DSCAML1: variants seen among roughly 807,000 people sequenced by gnomAD.
DSCAML1 encodes the protein cell adhesion molecule DSCAML1.
DSCAML1 carries 38 observed loss-of-function variants against 200.5 expected under a neutral mutation model. The ratio of observed to expected loss-of-function variants is 0.19; its 90% CI spans 0.15 to 0.25. The LOEUF is 0.25. Among genes scored for constraint, DSCAML1 ranks in the 10% least tolerant of loss-of-function variants. The pLI, the probability that DSCAML1 is intolerant of heterozygous loss-of-function variation, is 1.00. For synonymous variants in DSCAML1, 1,215 were observed against 1,165.0 expected (o/e 1.04, Z -0.87); for missense variants, 2,223 against 2,858.8 (o/e 0.78, Z 5.07).
At chr11:117,725,515 G>T (rs746513761) in intron 3 of DSCAML1, among the ~76,000 whole-genome samples, 6 of 152,170 alleles carry the variant, frequency 3.9e-5, no homozygotes, top group African/African-American at 2.4e-5. Context: ...AATCAAGTTG[G>T]GTGATTTATT....
intron 3 of DSCAML1, among the ~76,000 whole-genome samples, chr11:117,541,810 G>A (rs2050274109): frequency 6.6e-6 from 1 of 152,218 alleles, no homozygotes; most frequent in African/African-American, 2.4e-5. Flanking sequence ...CCAGGGGGAA[G>A]GTGGGAACAG....
intron 16 of DSCAML1, among the ~76,000 whole-genome samples, chr11:117,466,150 T>C (rs1444490952): frequency 6.6e-6 from 1 of 152,214 alleles, no homozygotes; most frequent in Non-Finnish European, 1.5e-5. Flanking sequence ...TACACTCATG[T>C]TCAAAGCAGC....
At chr11:117,526,521 TTA>T (rs1372443441) in intron 4 of DSCAML1, among the ~76,000 whole-genome samples, 3 of 152,144 alleles carry the variant, frequency 2.0e-5, no homozygotes, top group Non-Finnish European at 4.4e-5. Flanking sequence ...CTATTTATTT[TTA>T]TTTTTATTTT....
intron 5 of DSCAML1, among the ~76,000 whole-genome samples, chr11:117,522,657 A>G (rs2049904520): frequency 6.6e-6 from 1 of 152,196 alleles, no homozygotes; most frequent in Admixed American, 6.5e-5. Context: ...CCTGCTCTCC[A>G]GGAAATGTCA....
intron 11 of DSCAML1, among the ~76,000 whole-genome samples, chr11:117,491,029 C>T (rs1456614811): frequency 6.6e-6 from 1 of 152,274 alleles, no homozygotes; most frequent in East Asian, 1.9e-4. Context: ...TCTGACAAGT[C>T]CCCAAGTCAC....
chr11:117,615,316 T>G (rs921061256), intron 3 of DSCAML1, among the ~76,000 whole-genome samples: 1 of 152,224 alleles, frequency 6.6e-6, no homozygotes, highest in Non-Finnish European at 1.5e-5. Flanking sequence ...TGTCTTCTTT[T>G]GCACTCCTGA....
At chr11:117,625,957 C>T (rs2052034511) in intron 3 of DSCAML1, among the ~76,000 whole-genome samples, 1 of 152,204 alleles carries the variant, frequency 6.6e-6, no homozygotes, top group Non-Finnish European at 1.5e-5. Flanking sequence ...AAGCGCTGGT[C>T]CCATGCCTGT....
upstream of DSCAML1, chr11:117,797,354 C>G: frequency 9.0e-7 from 1 of 1,105,976 alleles, no homozygotes; most frequent in East Asian, 3.3e-5. Context: ...CGGACCCCAG[C>G]CCCACAAGCC....
At chr11:117,765,668 A>T (rs1166321519) in intron 3 of DSCAML1, among the ~76,000 whole-genome samples, 1 of 152,210 alleles carries the variant, frequency 6.6e-6, no homozygotes, top group African/African-American at 2.4e-5. Context: ...TAGAAAACAG[A>T]TCTATACAGA....
At chr11:117,809,903 TCACA>T (rs201683364) in intron 1 of DSCAML1, among the ~76,000 whole-genome samples, 4 of 148,756 alleles carry the variant, frequency 2.7e-5, no homozygotes, top group South Asian at 2.1e-4. Flanking sequence ...ACCCACACAC[TCACA>T]CACACATTCA....
At chr11:117,587,709 G>C (rs1191550520) in intron 3 of DSCAML1, among the ~76,000 whole-genome samples, 2 of 152,306 alleles carry the variant, frequency 1.3e-5, no homozygotes, top group East Asian at 3.9e-4. Flanking sequence ...GAAAGGGATG[G>C]AAAGTGTGAC....
chr11:117,657,867 C>T (rs2137636234), intron 3 of DSCAML1, among the ~76,000 whole-genome samples: 1 of 152,280 alleles, frequency 6.6e-6, no homozygotes, highest in East Asian at 1.9e-4. Flanking sequence ...AGAGCCTCTC[C>T]ATGGCCCGAG....
chr11:117,488,240 C>G (rs1364198529), intron 11 of DSCAML1, among the ~76,000 whole-genome samples: 2 of 152,156 alleles, frequency 1.3e-5, no homozygotes, highest in African/African-American at 2.4e-5. Flanking sequence ...GAGCTTTGGC[C>G]CTCCTGGCTG....
intron 3 of DSCAML1, among the ~76,000 whole-genome samples, chr11:117,678,908 A>G (rs1212314116): frequency 2.0e-5 from 3 of 152,268 alleles, no homozygotes; most frequent in Non-Finnish European, 2.9e-5. Flanking sequence ...AGAGTTTTCA[A>G]TACTACAGAG....
At chr11:117,471,800 A>ACCCCAACCCCTTTAACTGCAAGC in intron 15 of DSCAML1, 69 bp downstream of exon 15, 1 of 1,529,068 alleles carries the variant, frequency 6.5e-7, no homozygotes, top group Non-Finnish European at 8.8e-7. Flanking sequence ...AGTGAACAGG[A>ACCCCAACCCCTTTAACTGCAAGC]TCGCTGTAGG....
At chr11:117,697,917 G>T (rs890300859) in intron 3 of DSCAML1, among the ~76,000 whole-genome samples, 3 of 151,970 alleles carry the variant, frequency 2.0e-5, no homozygotes, top group African/African-American at 7.3e-5. Flanking sequence ...GACTACAGGT[G>T]CACGCCACCA....
chr11:117,743,242 G>A (rs566844392), intron 3 of DSCAML1, among the ~76,000 whole-genome samples: 14 of 152,344 alleles, frequency 9.2e-5, no homozygotes, highest in African/African-American at 2.9e-4. Context: ...AGAAAGTGGT[G>A]AGAGAGAGGA....
At chr11:117,453,754 T>TTC (rs1565694966) in intron 19 of DSCAML1, among the ~76,000 whole-genome samples, 6 of 111,404 alleles carry the variant, frequency 5.4e-5, no homozygotes, top group South Asian at 2.7e-4. Context: ...TTCTTTTTTT[T>TTC]TTTTTTTTGA....
chr11:117,762,770 G>A (rs2054826167), intron 3 of DSCAML1, among the ~76,000 whole-genome samples: 1 of 151,924 alleles, frequency 6.6e-6, no homozygotes, highest in Admixed American at 6.6e-5. Context: ...GGCTGAGACA[G>A]GAGAATCACT....
Sources: gnomAD v4.1 joint callset for allele counts (sites outside exome capture counted in the v4.1 genomes callset) on GRCh38, gnomAD v4.1.1 for gene constraint, MANE v1.5 for transcripts, NCBI Gene and HGNC (gene_info 2026-07-23, HGNC 2026-07-21) for gene names.